SCARF1: variants seen among roughly 807,000 people sequenced by gnomAD.
SCARF1 encodes the protein acetyl LDL receptor.
SCARF1 carries 49 observed loss-of-function variants against 76.3 expected under a neutral mutation model. The ratio of observed to expected loss-of-function variants is 0.64; its 90% confidence interval spans 0.51 to 0.81. SCARF1 has a LOEUF of 0.81. Among genes scored for constraint, SCARF1 ranks in the 40% least tolerant of loss-of-function variants. SCARF1 has a pLI of 0.00. For missense variants in SCARF1, 1,098 were observed against 1,143.9 expected, an observed-to-expected ratio of 0.96 and a Z score of 0.58; for synonymous variants, 495 against 474.6, an observed-to-expected ratio of 1.04 and a Z score of -0.56.
chr17:1,643,956 G>T lies in SCARF1; in HGVS notation c.277C>A (p.Gln93Lys). 1 of 1,338,070 alleles carries T rather than the reference G, an allele frequency of 7.5e-7. No individual in the cohort carries two copies. 82.9% of individuals were successfully genotyped at this position (1,338,070 alleles called of 1,614,324 possible). ...GAHCSSRCPG[Q>K]YWGPDCRESC... ...TCACGGCAGTCGGGGCCCCAGTACTGGCCCGGGCAGCCTGCGGGGGTGGGG... is the reference window on the plus strand; with the variant it reads ...TCACGGCAGTCGGGGCCCCAGTACTTGCCCGGGCAGCCTGCGGGGGTGGGG... Residue 93 changes from glutamine to lysine, a missense_variant, in exon 4 of 11, where the codon CAG becomes AAG. Physicochemically the swap from Gln to Lys is moderately conservative, Grantham distance 53 (BLOSUM62 1). Coordinates refer to ENST00000263071, the MANE Select transcript of SCARF1 (RefSeq NM_003693.4).
At chr17:1,638,274 T>G (rs1909743307) in intron 8 of SCARF1, 1 of 152,262 alleles carries the variant, frequency 6.6e-6, no homozygotes. Flanking sequence ...CAACCCTTCC[T>G]CCCCTCTCCG....
At chr17:1,639,119 C>G (rs1390668908) in intron 7 of SCARF1, among the ~76,000 whole-genome samples, 193 bp from the exon 8 acceptor site, 2 of 152,262 alleles carry the variant, frequency 1.3e-5, no homozygotes, top group Admixed American at 1.3e-4. Flanking sequence ...CACCCCGCTG[C>G]CCATTTCACG....
chr17:1,635,852 C>T (rs1435010177), intron 10 of SCARF1, among the ~76,000 whole-genome samples: 4 of 151,602 alleles, frequency 2.6e-5, no homozygotes, highest in Admixed American at 2.6e-4. Flanking sequence ...AAACCCCTGG[C>T]CTCAAGCAGT....
chr17:1,642,780 G>A (rs568180370), intron 4 of SCARF1, among the ~76,000 whole-genome samples: 14 of 152,228 alleles, frequency 9.2e-5, no homozygotes, highest in African/African-American at 2.9e-4. Context: ...GTGCGACCTC[G>A]GCTCACTGCA....
chr17:1,643,096 C>T (rs1910183252), intron 4 of SCARF1, among the ~76,000 whole-genome samples: 1 of 151,520 alleles, frequency 6.6e-6, no homozygotes, highest in African/African-American at 2.4e-5. Context: ...GCCGCGGCCA[C>T]CTGTCTCCGC....
Position 1,634,659 on chromosome 17 carries a change from G to T in SCARF1, c.*99C>A. ...AGCCTTGCCTTTTCCCTGTGGAGGC[G>T]CAGAGGCTCTGGTTTGTCTGTCCTG... On this transcript the variant is annotated 3_prime_UTR_variant, in exon 11 of 11. Transcript: ENST00000263071. The T allele has an allele frequency of 1.4e-6, 2 of 1,449,762 alleles. No individual in the cohort carries two copies. The highest frequency in any genetic ancestry group is 1.8e-6 in the Non-Finnish European group (2 of 1,089,824). The allele number at this position is 1,449,762 out of a possible 1,614,324, so 89.8% of individuals were successfully genotyped here. A position where few individuals can be genotyped will look rare whatever the true frequency, so the allele number is the denominator to read the frequency against.
Position 1,635,785 on chromosome 17 carries a change from C to CTCT in SCARF1, c.1634-169_1634-168insAGA, listed in dbSNP as rs554604889. On this transcript the variant is annotated intron_variant, in intron 10 of 10. Transcript: ENST00000263071. Reference sequence around the variant, plus strand: ...TCAGGTAGACACTGTTACTTCTACACTTTTTTTTTTTTTAATTGTAGAGAT... The same window carrying CTCT: ...TCAGGTAGACACTGTTACTTCTACACTCTTTTTTTTTTTTTTAATTGTAGAGAT... Among the ~76,000 whole-genome samples, 913 of 146,760 alleles carry CTCT rather than the reference C, an allele frequency of 6.2e-3. 10 individuals carry two copies. The highest frequency in any genetic ancestry group is 0.013 in the African/African-American group (516 of 39,964).
At chr17:1,636,588 G>A in intron 10 of SCARF1, 121 bp downstream of exon 10, 1 of 1,182,494 alleles carries the variant, frequency 8.5e-7, no homozygotes, top group African/African-American at 1.5e-5. Flanking sequence ...ACTCCAGCCT[G>A]GCGACAGAGC....
In SCARF1 at chr17:1,634,830, C is replaced by T. The variant is rs557661348; in HGVS notation, c.2421G>A (p.Gln807=). The T allele has an allele frequency of 2.5e-6, 4 of 1,613,800 alleles. No homozygotes were observed. The African/African-American group carries it at 4.0e-5, about 16-fold the overall frequency. ...CGSPEQDPQK[Q]AEEERQEEPE... ...GTTCCTCCTGCCTTTCCTCTTCAGC[C>T]TGCTTCTGGGGATCCTGTTCTGGGG... is the stretch of plus-strand genomic sequence containing the variant. The change falls in exon 11 of 11, where the codon CAG becomes CAA. Residue 807 remains glutamine (Q), a synonymous_variant. Transcript: ENST00000263071.
intron 4 of SCARF1, among the ~76,000 whole-genome samples, chr17:1,641,783 G>A (rs1451633230): frequency 5.3e-5 from 8 of 152,202 alleles, no homozygotes; most frequent in South Asian, 2.1e-4. Context: ...GTGCAGTGGC[G>A]CGATCTTGGC....
At position 1,644,777 on chromosome 17, in the gene SCARF1, A is replaced by T; in HGVS notation, c.265+57T>A. The T allele has an allele frequency of 6.6e-7, 1 of 1,526,252 alleles. No individual in the cohort carries two copies. Among genetic ancestry groups the T allele is most frequent in the South Asian group, 1.2e-5 (1 of 85,730 alleles). The allele number at this position is 1,526,252 out of a possible 1,614,324, so 94.5% of individuals were successfully genotyped here. A position where few individuals can be genotyped will look rare whatever the true frequency, so the allele number is the denominator to read the frequency against. ...GGCTACCTGCCTCGCCTGCTCCCAC[A>T]CCACTGCCCCCGTACCCAGCTCTGC... On this transcript the variant is annotated intron_variant, in intron 3 of 10. Transcript: ENST00000263071. This position sits in a 1 kb window ranked among gnomAD's most constrained non-coding sequence, Gnocchi z 4.8.
At chr17:1,635,649 G>A (rs2151093085) in intron 10 of SCARF1, 32 bp from the exon 11 acceptor site, 1 of 1,580,352 alleles carries the variant, frequency 6.3e-7, no homozygotes, top group Non-Finnish European at 8.5e-7. Context: ...CTTGGCTGGA[G>A]CTGAACTGGC....
At chr17:1,643,399 C>A in intron 4 of SCARF1, 43 bp downstream of exon 4, 1 of 1,141,774 alleles carries the variant, frequency 8.8e-7, no homozygotes, top group Non-Finnish European at 1.1e-6. Flanking sequence ...CTTGTGTCCG[C>A]CCCCGCCCCG....
intron 8 of SCARF1, among the ~76,000 whole-genome samples, chr17:1,637,977 C>T (rs78897108): frequency 0.021 from 3,156 of 152,264 alleles, 42 homozygotes; most frequent in Middle Eastern, 0.037. Context: ...CTGTGAATGC[C>T]GCACAAGCAC....
chr17:1,635,252 C>T lies in SCARF1; in HGVS notation c.1999G>A (p.Gly667Ser), dbSNP rs4790250. The T allele has an allele frequency of 0.98, 1,585,863 of 1,611,912 alleles. 782,424 individuals are homozygous for T. The highest frequency in any genetic ancestry group is 1 in the Non-Finnish European group (1,178,050 of 1,179,148). The change falls in exon 11 of 11, where the codon GGC (glycine) becomes AGC (serine). Residue 667 changes from glycine (G) to serine (S), a missense_variant. Coordinates refer to ENST00000263071, the MANE Select transcript of SCARF1 (RefSeq NM_003693.4). ...ATGHRRPPLG[G>S]RTVAEHVEAI... is the part of the protein sequence containing the mutation. ...TCCACGTGCTCAGCCACTGTCCGGC[C>T]ACCAAGTGGGGGCCGCCGGTGGCCA...
At position 1,643,562 on chromosome 17, in the gene SCARF1, T is replaced by A. The variant is rs1910270377; in HGVS notation, c.671A>T (p.Glu224Val). Residue 224 changes from glutamate to valine, a missense_variant, in exon 4 of 11, where the codon GAG becomes GTG. Physicochemically the swap from Glu to Val is moderately radical, Grantham distance 121 (BLOSUM62 -2). Coordinates refer to ENST00000263071, the MANE Select transcript of SCARF1 (RefSeq NM_003693.4). Reference protein sequence around the residue: ...WWGPECQQQCECVRGRCSAAS... With the variant: ...WWGPECQQQCVCVRGRCSAAS... ...GGCGCTGCAGCGGCCCCGCACACACTCGCACTGCTGCTGGCATTCGGGACC... is the reference window on the plus strand; with the variant it reads ...GGCGCTGCAGCGGCCCCGCACACACACGCACTGCTGCTGGCATTCGGGACC... The A allele has an allele frequency of 1.4e-6, 2 of 1,470,844 alleles. No individual in the cohort carries two copies. Among genetic ancestry groups the A allele is most frequent in the Admixed American group, 2.4e-5 (1 of 41,662 alleles). 91.1% of individuals were successfully genotyped at this position (1,470,844 alleles called of 1,614,324 possible).
At chr17:1,638,749 C>T in intron 8 of SCARF1, 57 bp downstream of exon 8, 2 of 1,496,044 alleles carry the variant, frequency 1.3e-6, no homozygotes, top group Non-Finnish European at 1.8e-6. Flanking sequence ...ACCAGATGCC[C>T]CCCTGCTCCC....
intron 4 of SCARF1, among the ~76,000 whole-genome samples, chr17:1,642,464 T>C (rs891984114): frequency 1.3e-5 from 2 of 151,832 alleles, no homozygotes; most frequent in South Asian, 2.1e-4. Flanking sequence ...GATAGTTTAC[T>C]GAGAATGATG....
At chr17:1,642,361 AGT>A (rs1025637724) in intron 4 of SCARF1, among the ~76,000 whole-genome samples, 18 of 110,382 alleles carry the variant, frequency 1.6e-4, no homozygotes, top group South Asian at 6.6e-4. Flanking sequence ...CAGTCCCCAG[AGT>A]GTGATATTCC....
Sources: allele counts gnomAD v4.1 joint callset (sites outside exome capture counted in the v4.1 genomes callset), GRCh38; gene constraint gnomAD v4.1.1; non-coding constraint Gnocchi (gnomAD v3.1); transcripts MANE v1.5; gene names NCBI Gene and HGNC (gene_info 2026-07-23, HGNC 2026-07-21).